MAGI2: variants seen among roughly 807,000 people sequenced by gnomAD.
The protein encoded by MAGI2 is membrane-associated guanylate kinase, WW and PDZ domain-containing protein 2.
Under a neutral mutation model 133.3 loss-of-function variants are expected in MAGI2, and 35 were observed. The ratio of observed to expected loss-of-function variants is 0.26; its 90% CI spans 0.20 to 0.35. The LOEUF is 0.35. Among genes scored for constraint, MAGI2 ranks in the 10% least tolerant of loss-of-function variants. The pLI is 1.00. For synonymous variants in MAGI2, 729 were observed against 710.6 expected (o/e 1.03, Z -0.41); for missense variants, 1,636 against 1,863.4 (o/e 0.88, Z 2.25).
At chr7:79,020,937 T>G (rs1401198764) in intron 1 of MAGI2, among the ~76,000 whole-genome samples, 1 of 152,240 alleles carries the variant, frequency 6.6e-6, no homozygotes, top group Non-Finnish European at 1.5e-5. Flanking sequence ...AAGGCCTTGC[T>G]GCTTTGTGCA....
At chr7:79,252,132 G>A (rs114073763) in intron 1 of MAGI2, among the ~76,000 whole-genome samples, 1,741 of 129,658 alleles carry the variant, frequency 0.013, 39 homozygotes, top group African/African-American at 0.048. Context: ...ACTCCAGCCT[G>A]TGGGTCAGAA....
At chr7:78,985,207 T>C (rs924008655) in intron 2 of MAGI2, among the ~76,000 whole-genome samples, 1 of 152,014 alleles carries the variant, frequency 6.6e-6, no homozygotes, top group African/African-American at 2.4e-5. Flanking sequence ...CTTTTGTAAA[T>C]GAGTTGTAAG....
chr7:79,065,051 G>A (rs991778094), intron 1 of MAGI2, among the ~76,000 whole-genome samples: 56 of 152,040 alleles, frequency 3.7e-4, no homozygotes, highest in Middle Eastern at 3.4e-3. Flanking sequence ...TCCTATTTCT[G>A]TACTGTATTG....
At chr7:79,119,444 C>T (rs908407266) in intron 1 of MAGI2, among the ~76,000 whole-genome samples, 5 of 151,844 alleles carry the variant, frequency 3.3e-5, no homozygotes, top group Admixed American at 6.6e-5. Flanking sequence ...ACAATCTGGC[C>T]GAGATTGTAA....
At chr7:78,035,794 A>C in intron 21 of MAGI2, among the ~76,000 whole-genome samples, 1 of 147,154 alleles carries the variant, frequency 6.8e-6, no homozygotes, top group Non-Finnish European at 1.5e-5. Context: ...TCTATCCCTT[A>C]CTTCTTCATG....
At chr7:78,122,078 G>C (rs1005848342) in intron 20 of MAGI2, among the ~76,000 whole-genome samples, 4 of 152,160 alleles carry the variant, frequency 2.6e-5, no homozygotes, top group African/African-American at 4.8e-5. Flanking sequence ...CACATCTGTG[G>C]TAACAACAGA....
chr7:78,092,674 ATTGTAGC>A (rs1817316580), intron 20 of MAGI2, among the ~76,000 whole-genome samples: 1 of 152,190 alleles, frequency 6.6e-6, no homozygotes, highest in Non-Finnish European at 1.5e-5. Context: ...CCTCTGGTTT[ATTGTAGC>A]TTTGCAATGT....
intron 1 of MAGI2, among the ~76,000 whole-genome samples, chr7:79,367,055 G>A (rs1012699232): frequency 7.9e-5 from 12 of 152,166 alleles, no homozygotes; most frequent in African/African-American, 2.9e-4. Context: ...CTGCTAAGAA[G>A]GCTGAGGGTG....
intron 2 of MAGI2, among the ~76,000 whole-genome samples, chr7:78,658,561 C>G (rs1812559942): frequency 6.6e-6 from 1 of 152,122 alleles, no homozygotes; most frequent in African/African-American, 2.4e-5. Context: ...AAAATATTTG[C>G]ATATCACCAC....
At chr7:79,425,422 T>C (rs1045167242) in intron 1 of MAGI2, among the ~76,000 whole-genome samples, 1 of 151,824 alleles carries the variant, frequency 6.6e-6, no homozygotes, top group African/African-American at 2.4e-5. Flanking sequence ...ACCACACCAG[T>C]CCTGGACCAC....
At chr7:78,716,488 G>A (rs970609790) in intron 2 of MAGI2, among the ~76,000 whole-genome samples, 4 of 152,002 alleles carry the variant, frequency 2.6e-5, no homozygotes, top group Non-Finnish European at 4.4e-5. Flanking sequence ...AGTGGGTGGT[G>A]GGGAATACAA....
chr7:79,241,546 A>C (rs1452925440), intron 1 of MAGI2, among the ~76,000 whole-genome samples: 1 of 151,692 alleles, frequency 6.6e-6, no homozygotes, highest in Non-Finnish European at 1.5e-5. Context: ...CCACAGGAGG[A>C]ATTTAGTTTG....
intron 1 of MAGI2, among the ~76,000 whole-genome samples, chr7:79,164,782 C>A (rs1235571704): frequency 6.6e-6 from 1 of 152,008 alleles, no homozygotes; most frequent in African/African-American, 2.4e-5. Flanking sequence ...ATGTCTCATG[C>A]CTCCCTAAAA....
intron 2 of MAGI2, among the ~76,000 whole-genome samples, chr7:78,960,387 G>C (rs983523396): frequency 6.6e-5 from 10 of 152,076 alleles, no homozygotes; most frequent in African/African-American, 2.4e-4. Flanking sequence ...GTTAGGAGTT[G>C]AAGGGAGCCA....
chr7:78,570,163 G>C (rs74380940), intron 3 of MAGI2, among the ~76,000 whole-genome samples: 60 of 152,286 alleles, frequency 3.9e-4, no homozygotes, highest in Non-Finnish European at 6.6e-4. Flanking sequence ...GGAATAGCCA[G>C]CTCACAGGGT....
At chr7:79,340,699 T>C (rs1330441670) in intron 1 of MAGI2, among the ~76,000 whole-genome samples, 1 of 152,112 alleles carries the variant, frequency 6.6e-6, no homozygotes, top group Non-Finnish European at 1.5e-5. Context: ...TGTGCACAAA[T>C]TTCCTAGGTA....
intron 3 of MAGI2, 53 bp from the exon 4 acceptor site, chr7:78,521,698 C>T: frequency 2.7e-6 from 4 of 1,484,538 alleles, no homozygotes; most frequent in Non-Finnish European, 3.7e-6. Context: ...CTACCATGTA[C>T]ATAATTTGTG....
intron 1 of MAGI2, among the ~76,000 whole-genome samples, chr7:79,126,035 G>C (rs1820381206): frequency 6.6e-6 from 1 of 152,214 alleles, no homozygotes; most frequent in Non-Finnish European, 1.5e-5. Flanking sequence ...TTTAGTTTCT[G>C]TTCTGTGAAA....
At chr7:78,514,141 T>C (rs1197300554) in intron 4 of MAGI2, among the ~76,000 whole-genome samples, 1 of 149,462 alleles carries the variant, frequency 6.7e-6, no homozygotes. Context: ...ATCCATTACT[T>C]TCAGTTTAAC....
Sources: gnomAD v4.1 joint callset for allele counts (sites outside exome capture counted in the v4.1 genomes callset) on GRCh38, gnomAD v4.1.1 for gene constraint, MANE v1.5 for transcripts, NCBI Gene and HGNC (gene_info 2026-07-23, HGNC 2026-07-21) for gene names.